Variants in GSDMC observed in about 807,000 individuals in gnomAD.
GSDMC encodes the protein gasdermin C.
Under a neutral mutation model 58.0 loss-of-function variants are expected in GSDMC, and 59 were observed. That is an observed-to-expected ratio of 1.02 (90% CI 0.82 to 1.26). The LOEUF (loss-of-function observed/expected upper bound fraction) is 1.26, where lower values mean the gene tolerates loss of function less well. Ranked by LOEUF, GSDMC falls within the 50% of genes most tolerant of loss-of-function variation. The pLI, the probability that GSDMC is intolerant of heterozygous loss-of-function variation, is 0.00. For synonymous variants in GSDMC, 241 were observed against 220.2 expected (o/e 1.09, Z -0.83); for missense variants, 659 against 598.5 (o/e 1.10, Z -1.06).
At chr8:129,714,966 A>G in the GSDMC span, among the ~76,000 whole-genome samples, 2 of 152,230 alleles carry the variant, frequency 1.3e-5, no homozygotes, top group African/African-American at 4.8e-5. Flanking sequence ...TAGACATAAT[A>G]TACATGTCAA....
At chr8:129,709,818 T>G in the GSDMC span, among the ~76,000 whole-genome samples, 1 of 152,206 alleles carries the variant, frequency 6.6e-6, no homozygotes, top group Non-Finnish European at 1.5e-5. Context: ...ATCTCTTTCC[T>G]ACAATAAGGC....
intron 3 of GSDMC, among the ~76,000 whole-genome samples, chr8:129,770,000 G>A (rs2033995812): frequency 6.6e-6 from 1 of 152,144 alleles, no homozygotes; most frequent in African/African-American, 2.4e-5. Context: ...TCAGAATTCT[G>A]TAATATTCTA....
chr8:129,783,159 C>T (rs1178422122), intron 1 of GSDMC, among the ~76,000 whole-genome samples: 2 of 151,980 alleles, frequency 1.3e-5, no homozygotes, highest in African/African-American at 4.8e-5. Flanking sequence ...ACTCAATATC[C>T]CTTGATGATA....
the GSDMC span, among the ~76,000 whole-genome samples, chr8:129,736,632 C>T: frequency 3.9e-5 from 6 of 152,222 alleles, no homozygotes; most frequent in Admixed American, 6.5e-5. Context: ...ATTGATGGGA[C>T]GTTATCTCAA....
At chr8:129,752,038 C>T (rs1243289535) in intron 8 of GSDMC, 68 bp downstream of exon 8, 3 of 1,506,168 alleles carry the variant, frequency 2.0e-6, no homozygotes, top group Non-Finnish European at 2.8e-6. Context: ...GGTAATAGCA[C>T]CAAAGGCAAT....
the GSDMC span, among the ~76,000 whole-genome samples, chr8:129,720,697 G>T: frequency 6.6e-6 from 1 of 152,150 alleles, no homozygotes; most frequent in Non-Finnish European, 1.5e-5. Flanking sequence ...TTAATTTATA[G>T]TTTCCAAAGC....
At chr8:129,775,145 C>A (rs892022078) in intron 3 of GSDMC, among the ~76,000 whole-genome samples, 2 of 152,078 alleles carry the variant, frequency 1.3e-5, no homozygotes, top group Non-Finnish European at 2.9e-5. Flanking sequence ...TCACAGAAAC[C>A]AAGACACCAA....
At chr8:129,742,850 T>C in the GSDMC span, among the ~76,000 whole-genome samples, 1 of 152,240 alleles carries the variant, frequency 6.6e-6, no homozygotes, top group African/African-American at 2.4e-5. Flanking sequence ...TACTCCATGT[T>C]GGCCAGAATC....
downstream of GSDMC, among the ~76,000 whole-genome samples, chr8:129,745,465 T>C (rs990268328): frequency 4.6e-5 from 7 of 152,222 alleles, 1 homozygote; most frequent in African/African-American, 1.7e-4. Flanking sequence ...AATACATCTA[T>C]AGTGTCTGTG....
At chr8:129,717,495 G>A in the GSDMC span, among the ~76,000 whole-genome samples, 2 of 151,822 alleles carry the variant, frequency 1.3e-5, no homozygotes, top group East Asian at 1.9e-4. Context: ...GGAGAACTAC[G>A]AACCACTACT....
At chr8:129,753,061 T>C (rs1215176306) in intron 6 of GSDMC, among the ~76,000 whole-genome samples, 1 of 152,118 alleles carries the variant, frequency 6.6e-6, no homozygotes, top group Admixed American at 6.5e-5. Context: ...TAAAGGTCAG[T>C]CTAGGACAGA....
chr8:129,734,685 A>G, the GSDMC span, among the ~76,000 whole-genome samples: 2 of 152,220 alleles, frequency 1.3e-5, no homozygotes, highest in Non-Finnish European at 1.5e-5. Context: ...GAAAGGAACA[A>G]CTGGTACCAG....
intron 3 of GSDMC, among the ~76,000 whole-genome samples, chr8:129,772,061 G>A (rs917974024): frequency 1.6e-4 from 24 of 152,050 alleles, no homozygotes; most frequent in Admixed American, 3.9e-4. Flanking sequence ...TCAGGAGATC[G>A]AGACCATCCT....
chr8:129,745,718 G>A (rs1220704579), downstream of GSDMC, among the ~76,000 whole-genome samples: 1 of 151,648 alleles, frequency 6.6e-6, no homozygotes, highest in Admixed American at 6.6e-5. Context: ...AAAGAAATAG[G>A]TGATAGGGAA....
At chr8:129,761,673 C>T (rs1441652809) in intron 5 of GSDMC, among the ~76,000 whole-genome samples, 1 of 152,212 alleles carries the variant, frequency 6.6e-6, no homozygotes, top group Non-Finnish European at 1.5e-5. Context: ...GATAGTGCCA[C>T]CATCTCCTGT....
intron 9 of GSDMC, 113 bp downstream of exon 9, chr8:129,751,749 A>T: frequency 8.3e-7 from 1 of 1,209,224 alleles, no homozygotes; most frequent in Non-Finnish European, 1.2e-6. Context: ...ACATGACCAA[A>T]CGCCAGGCCC....
intron 4 of GSDMC, 69 bp downstream of exon 4, chr8:129,765,559 A>G: frequency 9.0e-7 from 1 of 1,115,758 alleles, no homozygotes; most frequent in South Asian, 1.2e-5. Context: ...CCCCTAGGAA[A>G]TGAAGCTTGG....
the GSDMC span, among the ~76,000 whole-genome samples, chr8:129,728,350 G>A: frequency 2.6e-5 from 4 of 152,186 alleles, no homozygotes; most frequent in African/African-American, 9.7e-5. Context: ...TACACACCCA[G>A]GCGGATCTCC....
intron 2 of GSDMC, among the ~76,000 whole-genome samples, chr8:129,776,761 T>G (rs199951572): frequency 1.2e-4 from 18 of 144,864 alleles, no homozygotes; most frequent in African/African-American, 2.7e-4. Context: ...TGTTGTTGTT[T>G]TTGTTGTTGT....
Sources: gnomAD v4.1 joint callset for allele counts (sites outside exome capture counted in the v4.1 genomes callset) on GRCh38, gnomAD v4.1.1 for gene constraint, MANE v1.5 for transcripts, NCBI Gene and HGNC (gene_info 2026-07-23, HGNC 2026-07-21) for gene names.